The following GTPBP6 variants were observed in gnomAD, a reference collection of about 807,000 sequenced individuals.
GTPBP6 encodes putative GTP-binding protein 6.
A neutral mutation model predicts 28.9 loss-of-function variants in GTPBP6; 33 were observed. The ratio of observed to expected loss-of-function variants is 1.14; its 90% CI spans 0.87 to 1.53. The LOEUF (loss-of-function observed/expected upper bound fraction) is 1.53, where lower values mean the gene tolerates loss of function less well. GTPBP6 is among the 40% of genes most tolerant of loss of function. The pLI is 0.00. For synonymous variants in GTPBP6, 231 were observed against 192.7 expected (o/e 1.20, Z -1.65); for missense variants, 507 against 408.3 (o/e 1.24, Z -2.08).
chrX:309,369 C>A (rs1487291816), intron 7 of GTPBP6, among the ~76,000 whole-genome samples: 1 of 152,128 alleles, frequency 6.6e-6, no homozygotes, highest in Non-Finnish European at 1.5e-5. Context: ...TGGGACCCTA[C>A]CCAGAATTAA....
chrX:317,564 G>GGGGGA (rs1556036860), intron 1 of GTPBP6, among the ~76,000 whole-genome samples: 2 of 94,554 alleles, frequency 2.1e-5, no homozygotes, highest in Admixed American at 1.2e-4. Flanking sequence ...CTGGGGGGTG[G>GGGGGA]GGGGTGGGAC....
intron 6 of GTPBP6, chrX:312,472 T>A: frequency 1.2e-5 from 6 of 521,542 alleles, no homozygotes; most frequent in Admixed American, 2.5e-5. Context: ...GAGGGGAGAT[T>A]GTGGTATAGA....
chrX:315,624 G>GAC (rs2070419074), intron 2 of GTPBP6, among the ~76,000 whole-genome samples: 12 of 15,284 alleles, frequency 7.9e-4, no homozygotes, highest in Admixed American at 2.5e-3. Context: ...CAGACACACA[G>GAC]ACAGACACAC....
intron 7 of GTPBP6, among the ~76,000 whole-genome samples, chrX:310,852 G>C (rs1019093154): frequency 1.3e-5 from 2 of 151,992 alleles, no homozygotes; most frequent in African/African-American, 4.8e-5. Context: ...CCCCACAGGT[G>C]TTTCCAGGGT....
At chrX:312,885 T>C (rs758896594) in exon 6 of GTPBP6, 2 of 1,612,642 alleles carry the variant, frequency 1.2e-6, no homozygotes, top group African/African-American at 2.7e-5. Flanking sequence ...GGCCTCCTTC[T>C]CTCTCAGGAG....
At position 308,224 on chromosome X, in the gene GTPBP6, A is replaced by G. The variant is rs2070214030; in HGVS notation, c.1126-344T>C. 2.0e-5 allele frequency among the ~76,000 whole-genome samples: 3 copies of G among 152,132 alleles called. No homozygotes were observed. In the South Asian group the frequency reaches 6.2e-4, roughly 32 times the overall value. On this transcript the variant is annotated intron_variant, in intron 7 of 9. Coordinates refer to ENST00000326153, the Ensembl canonical transcript of GTPBP6. ...TTAGGGCGGCTTCATCCTCCTGTGA[A>G]ATGTCTTTTAACAGCGGAATTATTT...
rs746999081 is a variant in GTPBP6, at chrX:314,503, C to T, written c.690-286G>A. Among the ~76,000 whole-genome samples the T allele has an allele frequency of 7.7e-4, 115 of 150,174 alleles. 1 individual carries two copies. The highest frequency in any genetic ancestry group is 3.5e-3 in the Admixed American group (53 of 15,114). The stretch of plus-strand genomic sequence containing the variant: ...TTTTTTTTTTTTTTAGACGGAGTCT[C>T]GCTCTGTCACCCAGGCTGGAGTGCA... On this transcript the variant is annotated intron_variant, in intron 4 of 9. Transcript: ENST00000326153.
chrX:305,619 CTTTTTAT>C (rs1029266973), intron 9 of GTPBP6, among the ~76,000 whole-genome samples: 1 of 130,238 alleles, frequency 7.7e-6, no homozygotes, highest in Non-Finnish European at 1.6e-5. Context: ...CTGCGCCCGG[CTTTTTAT>C]TTTTTATTTT....
exon 1 of GTPBP6, chrX:318,482 G>A (rs1340333370): frequency 1.5e-5 from 6 of 398,418 alleles, no homozygotes; most frequent in Non-Finnish European, 2.7e-5. Flanking sequence ...TGACGTCAGG[G>A]TGAACCAGAC....
At chrX:313,516 C>A (rs993082847) in intron 5 of GTPBP6, among the ~76,000 whole-genome samples, 2 of 151,198 alleles carry the variant, frequency 1.3e-5, no homozygotes, top group African/African-American at 4.9e-5. Flanking sequence ...CTGTGGTCCT[C>A]CTAAAAGATC....
At chrX:307,710 C>G in intron 8 of GTPBP6, 22 bp downstream of exon 8, 2 of 1,461,892 alleles carry the variant, frequency 1.4e-6, no homozygotes, top group Non-Finnish European at 1.8e-6. Context: ...GAGACGCTTG[C>G]GGACCCCAGG....
intron 9 of GTPBP6, among the ~76,000 whole-genome samples, chrX:305,686 A>T (rs1192803796): frequency 7.2e-6 from 1 of 138,090 alleles, no homozygotes; most frequent in Non-Finnish European, 1.5e-5. Flanking sequence ...GTGCAGTGGC[A>T]CGATCTTGGC....
At chrX:306,434 T>C (rs1421292265) in intron 9 of GTPBP6, among the ~76,000 whole-genome samples, 1 of 143,890 alleles carries the variant, frequency 6.9e-6, no homozygotes, top group Admixed American at 6.8e-5. Context: ...ACTGTCAGCA[T>C]AATTAGGCAC....
intron 7 of GTPBP6, among the ~76,000 whole-genome samples, chrX:311,218 T>G (rs1475938397): frequency 0.028 from 3,203 of 114,918 alleles, 281 homozygotes; most frequent in African/African-American, 0.11. Flanking sequence ...GCCCCTGGCT[T>G]TGTGTGTGTC....
chrX:312,948 G>C (rs2070344357), intron 5 of GTPBP6, 24 bp from the exon 6 acceptor site: 7 of 1,600,148 alleles, frequency 4.4e-6, no homozygotes, highest in Non-Finnish European at 6.0e-6. Flanking sequence ...GAGATGGTGA[G>C]GCGGTGAGCC....
intron 4 of GTPBP6, among the ~76,000 whole-genome samples, chrX:314,500 T>G (rs752068145): frequency 6.7e-6 from 1 of 148,408 alleles, no homozygotes; most frequent in Non-Finnish European, 1.5e-5. Context: ...TTAGACGGAG[T>G]CTCGCTCTGT....
chrX:317,697 CCCCA>C (rs2070464005), intron 1 of GTPBP6, among the ~76,000 whole-genome samples: 3 of 9,608 alleles, frequency 3.1e-4, no homozygotes, highest in Admixed American at 1.1e-3. Flanking sequence ...GCCCACCCAA[CCCCA>C]CCCCACCCCA....
rs775490299 is a variant in GTPBP6 at position 305,725 on chromosome X, A to G, written c.1428-528T>C. Among the ~76,000 whole-genome samples, 19 of 147,888 alleles carry G rather than the reference A, an allele frequency of 1.3e-4. No homozygotes were observed. In the South Asian group the frequency reaches 2.3e-3, roughly 18 times the overall value. On this transcript the variant is annotated intron_variant, in intron 9 of 9. Transcript: ENST00000326153. Reference sequence around the variant, plus strand: ...CTGCAACCTCGGCCTCCTGGGTTCCAGCAATTCTCCGGCCTTAGCCTCCCG... The same window carrying G: ...CTGCAACCTCGGCCTCCTGGGTTCCGGCAATTCTCCGGCCTTAGCCTCCCG...
At chrX:316,337 G>T (rs1485586985) in intron 2 of GTPBP6, among the ~76,000 whole-genome samples, 12 of 47,040 alleles carry the variant, frequency 2.6e-4, no homozygotes, top group Non-Finnish European at 4.6e-4. Context: ...ACATCCCATT[G>T]GGGACACACA....
Sources: gnomAD v4.1 joint callset for allele counts (sites outside exome capture counted in the v4.1 genomes callset) on GRCh38, gnomAD v4.1.1 for gene constraint, MANE v1.5 for transcripts, NCBI Gene and HGNC (gene_info 2026-07-23, HGNC 2026-07-21) for gene names.